SEMA6D: variants seen among roughly 807,000 people sequenced by gnomAD.
SEMA6D encodes semaphorin-6D.
In SEMA6D, 35 loss-of-function variants were observed where a neutral mutation model predicts 106.6. The observed-to-expected ratio is 0.33, with a 90% CI of 0.25 to 0.44. SEMA6D has a LOEUF of 0.44. Ranked by LOEUF, SEMA6D falls within the 20% of genes least tolerant of loss-of-function variation. The pLI is 1.00. For missense variants in SEMA6D, 1,185 were observed against 1,345.9 expected, an observed-to-expected ratio of 0.88 and a Z score of 1.87; for synonymous variants, 499 against 487.7, an observed-to-expected ratio of 1.02 and a Z score of -0.31.
intron 4 of SEMA6D, among the ~76,000 whole-genome samples, chr15:47,612,056 T>A (rs962044524): frequency 1.3e-5 from 2 of 152,130 alleles, no homozygotes; most frequent in Admixed American, 1.3e-4. Context: ...TAGAAAATCA[T>A]GTCTATAAAG....
intron 4 of SEMA6D, among the ~76,000 whole-genome samples, chr15:47,679,531 A>C (rs2078308288): frequency 6.6e-6 from 1 of 152,222 alleles, no homozygotes; most frequent in African/African-American, 2.4e-5. Context: ...GCCCCTCGGC[A>C]GCCCTGGATC....
intron 3 of SEMA6D, among the ~76,000 whole-genome samples, chr15:47,580,351 G>A (rs2076234392): frequency 1.3e-5 from 2 of 152,108 alleles, no homozygotes; most frequent in Admixed American, 1.3e-4. Context: ...CAAAGCAATC[G>A]ATAGTTAAAA....
chr15:47,308,932 T>C (rs1214593597), intron 1 of SEMA6D, among the ~76,000 whole-genome samples: 5 of 152,204 alleles, frequency 3.3e-5, no homozygotes, highest in Non-Finnish European at 7.3e-5. Context: ...TTTGGCATCA[T>C]ATGGAGTAAA....
chr15:47,395,441 A>G (rs2040182424), intron 1 of SEMA6D: 1 of 152,260 alleles, frequency 6.6e-6, no homozygotes, highest in African/African-American at 2.4e-5. Context: ...CATTTACTGT[A>G]CATCATTTTT....
intron 1 of SEMA6D, among the ~76,000 whole-genome samples, chr15:47,348,938 C>T (rs2038199463): frequency 6.6e-6 from 1 of 151,918 alleles, no homozygotes; most frequent in Non-Finnish European, 1.5e-5. Context: ...AAATTAGATC[C>T]CTTCTGTGGC....
intron 1 of SEMA6D, among the ~76,000 whole-genome samples, chr15:47,336,886 A>G (rs1347615468): frequency 6.6e-6 from 1 of 152,150 alleles, no homozygotes; most frequent in African/African-American, 2.4e-5. Context: ...GAAGGCTGCT[A>G]CTTTGTCCAA....
At chr15:47,571,075 C>G (rs1456880459) in intron 3 of SEMA6D, among the ~76,000 whole-genome samples, 1 of 152,060 alleles carries the variant, frequency 6.6e-6, no homozygotes, top group Non-Finnish European at 1.5e-5. Flanking sequence ...AATTCCCTCC[C>G]CTCCCCACTC....
At chr15:47,192,478 C>A (rs1376804182) in intron 1 of SEMA6D, among the ~76,000 whole-genome samples, 2 of 151,924 alleles carry the variant, frequency 1.3e-5, no homozygotes, top group Admixed American at 6.6e-5. Context: ...GGGTTTCAGT[C>A]AAAAATTTAT....
intron 3 of SEMA6D, among the ~76,000 whole-genome samples, chr15:47,496,792 C>T (rs1299611360): frequency 2.0e-5 from 3 of 151,942 alleles, no homozygotes; most frequent in Non-Finnish European, 4.4e-5. Context: ...GATGTCTCAC[C>T]TACTTGACCT....
chr15:47,418,372 A>G (rs1461002061), intron 2 of SEMA6D, among the ~76,000 whole-genome samples: 2 of 152,088 alleles, frequency 1.3e-5, no homozygotes, highest in Admixed American at 6.6e-5. Flanking sequence ...GGTGGCTTAT[A>G]AACAACAGAA....
At chr15:47,219,047 C>T (rs1408201703) in intron 1 of SEMA6D, among the ~76,000 whole-genome samples, 1 of 152,198 alleles carries the variant, frequency 6.6e-6, no homozygotes, top group Admixed American at 6.5e-5. Context: ...ATTGGCATTG[C>T]AACATTTAAT....
intron 1 of SEMA6D, among the ~76,000 whole-genome samples, chr15:47,184,872 C>T (rs1023158383): frequency 6.6e-6 from 1 of 152,242 alleles, no homozygotes; most frequent in Non-Finnish European, 1.5e-5. Context: ...CACGCTGCCC[C>T]GCTTTTTTTA....
intron 4 of SEMA6D, among the ~76,000 whole-genome samples, chr15:47,625,117 C>G (rs1367837174): frequency 1.3e-5 from 2 of 151,798 alleles, no homozygotes; most frequent in Non-Finnish European, 2.9e-5. Flanking sequence ...CAGAAAAGAC[C>G]AAATGAAGTT....
At chr15:47,524,584 T>G (rs1396171812) in intron 3 of SEMA6D, among the ~76,000 whole-genome samples, 1 of 152,210 alleles carries the variant, frequency 6.6e-6, no homozygotes, top group Non-Finnish European at 1.5e-5. Flanking sequence ...TATGCCTAAT[T>G]ATAAATGACT....
intron 1 of SEMA6D, among the ~76,000 whole-genome samples, chr15:47,407,368 C>CA (rs779136178): frequency 0.35 from 16,667 of 47,478 alleles, 3,450 homozygotes; most frequent in Non-Finnish European, 0.4. Context: ...GACTCTATCT[C>CA]AAAAAAAAAA....
chr15:47,488,495 G>C (rs936532789), intron 3 of SEMA6D, among the ~76,000 whole-genome samples: 4 of 151,542 alleles, frequency 2.6e-5, no homozygotes, highest in African/African-American at 7.3e-5. Flanking sequence ...AACTGCATGA[G>C]ATTCCATAGT....
intron 4 of SEMA6D, among the ~76,000 whole-genome samples, chr15:47,707,119 A>T (rs923217353): frequency 1.3e-5 from 2 of 152,190 alleles, no homozygotes; most frequent in African/African-American, 4.8e-5. Flanking sequence ...CTCTGAAATG[A>T]TCCACTCTCT....
chr15:47,324,268 A>G (rs183599044), intron 1 of SEMA6D, among the ~76,000 whole-genome samples: 21 of 152,294 alleles, frequency 1.4e-4, no homozygotes, highest in Admixed American at 1.2e-3. Flanking sequence ...ATTTACCTAT[A>G]TATTTCTTTT....
chr15:47,563,640 G>A (rs2046143903), intron 3 of SEMA6D, among the ~76,000 whole-genome samples: 1 of 152,102 alleles, frequency 6.6e-6, no homozygotes, highest in African/African-American at 2.4e-5. Flanking sequence ...TTATAATTAA[G>A]TCTTTGTGTG....
Sources: gnomAD v4.1 joint callset for allele counts (sites outside exome capture counted in the v4.1 genomes callset) on GRCh38, gnomAD v4.1.1 for gene constraint, MANE v1.5 for transcripts, NCBI Gene and HGNC (gene_info 2026-07-23, HGNC 2026-07-21) for gene names.